RHOBTB1: variants seen among roughly 807,000 people sequenced by gnomAD.
RHOBTB1 encodes Rho related BTB domain containing 1, also known as rho-related BTB domain-containing protein 1.
Under a neutral mutation model 71.6 loss-of-function variants are expected in RHOBTB1, and 40 were observed. The ratio of observed to expected loss-of-function variants is 0.56; its 90% confidence interval spans 0.43 to 0.73. The LOEUF (loss-of-function observed/expected upper bound fraction) is 0.73. Among genes scored for constraint, RHOBTB1 ranks in the 30% least tolerant of loss-of-function variants. The pLI is 0.00. For missense variants in RHOBTB1, 797 were observed against 894.0 expected, an observed-to-expected ratio of 0.89 and a Z score of 1.38; for synonymous variants, 319 against 334.9, an observed-to-expected ratio of 0.95 and a Z score of 0.52.
intron 9 of RHOBTB1, among the ~76,000 whole-genome samples, chr10:60,873,533 G>A (rs59849939): frequency 0.079 from 11,968 of 152,200 alleles, 541 homozygotes; most frequent in African/African-American, 0.098. Context: ...ATGGGGGTAA[G>A]GTGGGAACAC....
At chr10:60,941,595 A>G (rs576117765) in intron 2 of RHOBTB1, among the ~76,000 whole-genome samples, 16 of 152,206 alleles carry the variant, frequency 1.1e-4, no homozygotes, top group Non-Finnish European at 2.1e-4. Context: ...AACTGGTTTG[A>G]GGCCCATATT....
intron 2 of RHOBTB1, among the ~76,000 whole-genome samples, chr10:60,982,067 G>A (rs1318144880): frequency 6.6e-6 from 1 of 152,198 alleles, no homozygotes; most frequent in Admixed American, 6.5e-5. Context: ...CACTGTGGCT[G>A]GCCTGTAAGT....
At chr10:60,902,021 A>C (rs2082436307) in intron 4 of RHOBTB1, among the ~76,000 whole-genome samples, 1 of 152,184 alleles carries the variant, frequency 6.6e-6, no homozygotes, top group South Asian at 2.1e-4. Context: ...CCCTGTTGCT[A>C]TCTCATTTGG....
chr10:60,987,817 TC>T lies in RHOBTB1; in HGVS notation c.-162-1873del, dbSNP rs1303372860. Among the ~76,000 whole-genome samples the T allele has an allele frequency of 2.0e-5, 3 of 148,114 alleles. No individual in the cohort carries two copies. In the East Asian group the frequency reaches 6.0e-4, roughly 29 times the overall value. ...ACCTTTGCAGACATTCTAAACCATCTCCCCTCACTATCAAATGCTCTCCACC... is the reference window on the plus strand; with the variant it reads ...ACCTTTGCAGACATTCTAAACCATCTCCCTCACTATCAAATGCTCTCCACC... On this transcript the variant is annotated intron_variant, in intron 1 of 11. Coordinates refer to the RHOBTB1 transcript ENST00000357917.
chr10:60,872,335 AG>A, intron 9 of RHOBTB1, 45 bp from the exon 10 acceptor site: 1 of 1,385,822 alleles, frequency 7.2e-7, no homozygotes, highest in Non-Finnish European at 1.0e-6. Context: ...TTTTCTAAAG[AG>A]GGGCTACAAA....
intron 2 of RHOBTB1, among the ~76,000 whole-genome samples, chr10:60,958,649 G>A (rs958481583): frequency 6.6e-6 from 1 of 152,150 alleles, no homozygotes; most frequent in African/African-American, 2.4e-5. Context: ...GGTTGCCCAT[G>A]CTGGAGTACA....
At chr10:60,968,368 T>C (rs2086043045) in intron 2 of RHOBTB1, among the ~76,000 whole-genome samples, 1 of 152,138 alleles carries the variant, frequency 6.6e-6, no homozygotes, top group South Asian at 2.1e-4. Context: ...TTTCCAGACA[T>C]ATGTAATTCC....
intron 1 of RHOBTB1, among the ~76,000 whole-genome samples, chr10:61,000,723 A>C (rs2087233058): frequency 6.6e-6 from 1 of 152,064 alleles, no homozygotes; most frequent in Admixed American, 6.5e-5. Context: ...AGCTCACTTG[A>C]ATACCAGTTC....
Position 60,888,179 on chromosome 10 carries a change from G to A in RHOBTB1, c.1456+33C>T, listed in dbSNP as rs1052098443. 4 of 1,580,258 alleles carry A rather than the reference G, an allele frequency of 2.5e-6. No homozygotes were observed. In the African/African-American group the frequency reaches 4.1e-5, roughly 16 times the overall value. The stretch of plus-strand genomic sequence containing the variant: ...TAACGTTCAATGAAACACAATCAAA[G>A]GTATTAATGGCTCTGCCCCGCGGCC... On this transcript the variant is annotated intron_variant, in intron 6 of 10. Transcript: ENST00000337910.
chr10:60,888,819 A>T lies in RHOBTB1; in HGVS notation c.849T>A (p.Ile283=). 6.2e-7 allele frequency: 1 copy of T among 1,614,190 alleles called. No homozygotes were observed. Among genetic ancestry groups the T allele is most frequent in the South Asian group, 1.1e-5 (1 of 91,088 alleles). The change falls in exon 6 of 11, where the codon ATT becomes ATA. Residue 283 remains isoleucine (I), a synonymous_variant. Transcript: ENST00000337910. The stretch of plus-strand genomic sequence containing the variant: ...ATTTGGAAGAAGAGGTAGCGAGGTA[A>T]ATTCGATGTGCAAAGATGTGTTCCT... ...QDQEHIFAHR[I]YLATSSSKFY...
At chr10:60,886,999 T>C (rs1483572080) in intron 6 of RHOBTB1, among the ~76,000 whole-genome samples, 3 of 151,754 alleles carry the variant, frequency 2.0e-5, no homozygotes. Flanking sequence ...AAATTAAAAA[T>C]AATTCCCTAT....
chr10:60,926,909 A>C (rs1415570381), intron 2 of RHOBTB1, among the ~76,000 whole-genome samples: 1 of 152,212 alleles, frequency 6.6e-6, no homozygotes, highest in Non-Finnish European at 1.5e-5. Context: ...GAAATAAAGG[A>C]CATTCAAATT....
At chr10:60,938,137 GA>G (rs1440719774) in intron 2 of RHOBTB1, among the ~76,000 whole-genome samples, 1 of 152,174 alleles carries the variant, frequency 6.6e-6, no homozygotes, top group Non-Finnish European at 1.5e-5. Context: ...TTGAATAAGA[GA>G]AAAAGACTAT....
chr10:60,936,997 A>G (rs1461866931), intron 2 of RHOBTB1, among the ~76,000 whole-genome samples: 2 of 152,192 alleles, frequency 1.3e-5, no homozygotes, highest in East Asian at 3.8e-4. Context: ...CCAAATACTA[A>G]AAGTGAAATT....
chr10:60,948,973 T>C (rs1004692423), upstream of RHOBTB1, among the ~76,000 whole-genome samples: 8 of 152,194 alleles, frequency 5.3e-5, no homozygotes, highest in Non-Finnish European at 8.8e-5. Context: ...CAAATCATTT[T>C]ACATGTTAGC....
chr10:60,876,846 C>A (rs1221771375), intron 8 of RHOBTB1, among the ~76,000 whole-genome samples: 1 of 152,164 alleles, frequency 6.6e-6, no homozygotes, highest in East Asian at 1.9e-4. Flanking sequence ...AGAAATTAAT[C>A]TTTTATTTTT....
At chr10:60,886,030 TG>T in intron 7 of RHOBTB1, 81 bp downstream of exon 7, 1 of 991,346 alleles carries the variant, frequency 1.0e-6, no homozygotes, top group Non-Finnish European at 1.6e-6. Flanking sequence ...TAAAGTCATC[TG>T]GCTGTTTACC....
intron 2 of RHOBTB1, among the ~76,000 whole-genome samples, chr10:60,977,649 C>T (rs1299642973): frequency 6.6e-6 from 1 of 152,008 alleles, no homozygotes; most frequent in Non-Finnish European, 1.5e-5. Context: ...CTGTCCCAAT[C>T]CCCAGATGCC....
intron 2 of RHOBTB1, among the ~76,000 whole-genome samples, chr10:60,977,649 C>A (rs1299642973): frequency 6.6e-6 from 1 of 152,008 alleles, no homozygotes; most frequent in Non-Finnish European, 1.5e-5. Context: ...CTGTCCCAAT[C>A]CCCAGATGCC....
Sources: gnomAD v4.1 joint callset for allele counts (sites outside exome capture counted in the v4.1 genomes callset) on GRCh38, gnomAD v4.1.1 for gene constraint, MANE v1.5 for transcripts, NCBI Gene and HGNC (gene_info 2026-07-23, HGNC 2026-07-21) for gene names.